GRM5: variants seen among roughly 807,000 people sequenced by gnomAD.
GRM5 encodes metabotropic glutamate receptor 5.
In GRM5, 19 loss-of-function variants were observed where a neutral mutation model predicts 83.1. That is an observed-to-expected ratio of 0.23 (90% CI 0.16 to 0.34). The LOEUF (loss-of-function observed/expected upper bound fraction) is 0.34. Among genes scored for constraint, GRM5 ranks in the 10% least tolerant of loss-of-function variants. The probability of loss-of-function intolerance (pLI) is 1.00; values close to 1 mark genes in which losing one functional copy is unlikely to be tolerated. For missense variants in GRM5, 1,160 were observed against 1,588.3 expected (o/e 0.73, Z 4.58); for synonymous variants, 675 against 633.6 (o/e 1.07, Z -0.98).
intron 3 of GRM5, among the ~76,000 whole-genome samples, chr11:88,693,987 T>C (rs368382517): frequency 2.6e-5 from 4 of 152,340 alleles, no homozygotes; most frequent in African/African-American, 9.6e-5. Context: ...ACTCTTTTTG[T>C]AGTAAAACAG....
In GRM5 at chr11:88,557,164, G is replaced by A. The variant is rs145137846; in HGVS notation, c.2630+9889C>T. Among the ~76,000 whole-genome samples, 32 of 152,242 alleles carry A rather than the reference G, an allele frequency of 2.1e-4. No individual in the cohort carries two copies. In the East Asian group the frequency reaches 5.8e-3, roughly 28 times the overall value. ...TAACTAAAGGCTATTAGGCCTCTATGTGCTTCCGTTACTAATTTTTCTTTA... is the reference window on the plus strand; with the variant it reads ...TAACTAAAGGCTATTAGGCCTCTATATGCTTCCGTTACTAATTTTTCTTTA... On this transcript the variant is annotated intron_variant, in intron 8 of 9. Transcript: ENST00000305447.
At chr11:89,038,762 G>A (rs1243982030) in intron 2 of GRM5, among the ~76,000 whole-genome samples, 1 of 152,156 alleles carries the variant, frequency 6.6e-6, no homozygotes, top group Non-Finnish European at 1.5e-5. Flanking sequence ...ACCAGGTGAT[G>A]TCCATCCTAC....
At chr11:88,782,672 G>A (rs1942996288) in intron 3 of GRM5, among the ~76,000 whole-genome samples, 1 of 152,054 alleles carries the variant, frequency 6.6e-6, no homozygotes, top group Non-Finnish European at 1.5e-5. Flanking sequence ...GAAGCTTTAA[G>A]TCTCTGTTCT....
At chr11:88,782,339 C>A (rs1942989894) in intron 3 of GRM5, among the ~76,000 whole-genome samples, 1 of 152,028 alleles carries the variant, frequency 6.6e-6, no homozygotes, top group African/African-American at 2.4e-5. Context: ...TGGCAGAAAG[C>A]AAGGAGGAGC....
At chr11:88,859,056 G>A (rs954430441) in intron 2 of GRM5, among the ~76,000 whole-genome samples, 1 of 151,936 alleles carries the variant, frequency 6.6e-6, no homozygotes, top group African/African-American at 2.4e-5. Flanking sequence ...TGGAAATCAG[G>A]AAAAGAAACT....
chr11:88,552,929 T>C (rs1942545425), intron 8 of GRM5, among the ~76,000 whole-genome samples: 2 of 152,244 alleles, frequency 1.3e-5, no homozygotes, highest in Middle Eastern at 3.4e-3. Flanking sequence ...TGCTTTGATG[T>C]AGGGATTTGG....
chr11:88,679,101 A>T (rs1246675976), intron 3 of GRM5, among the ~76,000 whole-genome samples: 1 of 152,184 alleles, frequency 6.6e-6, no homozygotes, highest in African/African-American at 2.4e-5. Context: ...AACTTTCTAT[A>T]TATGTTACAA....
intron 3 of GRM5, among the ~76,000 whole-genome samples, chr11:88,805,848 T>C (rs1434617539): frequency 6.6e-6 from 1 of 152,154 alleles, no homozygotes; most frequent in Non-Finnish European, 1.5e-5. Flanking sequence ...GACAATTACC[T>C]GAACTTTTGG....
At chr11:89,046,820 T>G (rs1941650962) in intron 2 of GRM5, among the ~76,000 whole-genome samples, 1 of 152,134 alleles carries the variant, frequency 6.6e-6, no homozygotes, top group Admixed American at 6.5e-5. Flanking sequence ...TTGCTTTAAC[T>G]ATTAGAAACA....
At chr11:88,991,417 C>T (rs11499695) in intron 2 of GRM5, among the ~76,000 whole-genome samples, 11,925 of 151,362 alleles carry the variant, frequency 0.079, 1,573 homozygotes, top group African/African-American at 0.27. Flanking sequence ...GAATCAATAT[C>T]GTGAAAACGG....
chr11:88,566,187 T>A lies in GRM5; in HGVS notation c.2630+866A>T, dbSNP rs553459219. On this transcript the variant is annotated intron_variant, in intron 8 of 9. Coordinates refer to ENST00000305447, the MANE Select transcript of GRM5 (RefSeq NM_001143831.3). ...CATTACACTTCTTAAATAGAGGTGA[T>A]ACTTAGTCCCAGTTATCAACAATTG... Among the ~76,000 whole-genome samples, 5 of 152,358 alleles carry A rather than the reference T, an allele frequency of 3.3e-5. No homozygotes were observed. The South Asian group carries it at 1.0e-3, about 32-fold the overall frequency.
intron 4 of GRM5, among the ~76,000 whole-genome samples, chr11:88,626,238 T>C (rs1197525542): frequency 2.0e-5 from 3 of 152,196 alleles, no homozygotes; most frequent in Non-Finnish European, 4.4e-5. Flanking sequence ...ATAGCTATAG[T>C]ATAGATAAGA....
rs12803537 is a variant in GRM5 at position 88,617,417 on chromosome 11, C to T, written c.1148-12453G>A. ...ATGCATGAGTTTCTTGGACCTTTTT[C>T]CCCAATATCTTCAGATTTAGACTCA... On this transcript the variant is annotated intron_variant, in intron 4 of 9. Transcript: ENST00000305447. 6.9e-3 allele frequency among the ~76,000 whole-genome samples: 1,049 copies of T among 152,176 alleles called. 8 individuals carry two copies. Among genetic ancestry groups the T allele is most frequent in the Middle Eastern group, 0.02 (6 of 294 alleles).
At chr11:88,618,835 C>T (rs925584636) in intron 4 of GRM5, among the ~76,000 whole-genome samples, 1 of 152,102 alleles carries the variant, frequency 6.6e-6, no homozygotes. Flanking sequence ...TTACTTTGTT[C>T]AACGATTATT....
intron 2 of GRM5, among the ~76,000 whole-genome samples, chr11:88,937,315 A>T (rs1937935249): frequency 6.6e-6 from 1 of 151,784 alleles, no homozygotes; most frequent in African/African-American, 2.4e-5. Flanking sequence ...TGTATAGAGT[A>T]TGAAAAACTT....
At position 88,504,670 on chromosome 11, in the gene GRM5, A is replaced by G. The variant is rs1941135392; in HGVS notation, c.*3922T>C. The G allele has an allele frequency of 6.6e-6, 1 of 152,166 alleles. No homozygotes were observed. The highest frequency in any genetic ancestry group is 2.4e-5 in the African/African-American group (1 of 41,464). 9.4% of individuals were successfully genotyped at this position (152,166 alleles called of 1,614,324 possible). ...AGACAACTGAGAAACAGGCAAGTAT[A>G]TTTTGAAGTGCTAAAATAAAACATA... On this transcript the variant is annotated 3_prime_UTR_variant, in exon 10 of 10. Transcript: ENST00000305447.
rs148792235 is a variant in GRM5 at position 88,622,540 on chromosome 11, T to G, written c.1148-17576A>C. Among the ~76,000 whole-genome samples, 1,064 of 152,290 alleles carry G rather than the reference T, an allele frequency of 7.0e-3. 3 individuals are homozygous for G. The highest frequency in any genetic ancestry group is 0.011 in the Non-Finnish European group (782 of 68,024). On this transcript the variant is annotated intron_variant, in intron 4 of 9. Coordinates refer to ENST00000305447, the MANE Select transcript of GRM5 (RefSeq NM_001143831.3). ...TAACCCAGACTTCAATTCCTTTGATTTATGGGATCACCCAGCTCAGCACAT... is the reference window on the plus strand; with the variant it reads ...TAACCCAGACTTCAATTCCTTTGATGTATGGGATCACCCAGCTCAGCACAT...
chr11:88,512,687 G>A (rs949753865), intron 9 of GRM5, among the ~76,000 whole-genome samples: 6 of 152,090 alleles, frequency 3.9e-5, no homozygotes, highest in East Asian at 1.9e-4. Context: ...TTTAAGCCTC[G>A]GTAAGAAGCA....
At chr11:88,956,213 TC>T (rs1938607608) in intron 2 of GRM5, among the ~76,000 whole-genome samples, 1 of 152,176 alleles carries the variant, frequency 6.6e-6, no homozygotes, top group African/African-American at 2.4e-5. Context: ...GCCTTCACAC[TC>T]TTTGCACGTA....
Sources: gnomAD v4.1 joint callset for allele counts (sites outside exome capture counted in the v4.1 genomes callset) on GRCh38, gnomAD v4.1.1 for gene constraint, MANE v1.5 for transcripts, NCBI Gene and HGNC (gene_info 2026-07-23, HGNC 2026-07-21) for gene names.